The following CDK17 variants were observed in gnomAD, a reference collection of about 807,000 sequenced individuals.
CDK17 encodes cyclin dependent kinase 17, also known as cyclin-dependent kinase 17.
A neutral mutation model predicts 77.6 loss-of-function variants in CDK17; 24 were observed. The observed-to-expected ratio is 0.31, with a 90% confidence interval of 0.22 to 0.44. The LOEUF is 0.44. Ranked by LOEUF, CDK17 falls within the 20% of genes least tolerant of loss-of-function variation. The pLI is 1.00. For missense variants in CDK17, 429 were observed against 622.5 expected, an observed-to-expected ratio of 0.69 and a Z score of 3.31; for synonymous variants, 203 against 210.4, an observed-to-expected ratio of 0.96 and a Z score of 0.30.
chr12:96,363,701 T>A (rs1257293140), intron 1 of CDK17, among the ~76,000 whole-genome samples: 1 of 151,846 alleles, frequency 6.6e-6, no homozygotes, highest in African/African-American at 2.4e-5. Flanking sequence ...ATACAAAAAA[T>A]TAGCTGGGTA....
chr12:96,356,618 T>C (rs1953398742), intron 1 of CDK17, among the ~76,000 whole-genome samples: 2 of 152,182 alleles, frequency 1.3e-5, no homozygotes, highest in Admixed American at 6.5e-5. Context: ...GATCAAGACA[T>C]TATAGTTCAC....
rs1264636767 is a variant in CDK17, at chr12:96,394,880, T to A, written c.-30+5106A>T. ...ATTTATTATTTATTCAAAAAATCTA[T>A]AATTTTTTTCCCCCGAGACAGAGTC... On this transcript the variant is annotated intron_variant, in intron 1 of 16. Coordinates refer to ENST00000261211, the MANE Select transcript of CDK17 (RefSeq NM_002595.5). Among the ~76,000 whole-genome samples the A allele has an allele frequency of 5.4e-4, 15 of 27,842 alleles. No individual in the cohort carries two copies. In the East Asian group the frequency reaches 0.03, roughly 55 times the overall value. 18.3% of individuals were successfully genotyped at this position (27,842 alleles called of 152,430 possible).
At chr12:96,357,634 T>C (rs1365976627) in intron 1 of CDK17, among the ~76,000 whole-genome samples, 1 of 152,190 alleles carries the variant, frequency 6.6e-6, no homozygotes, top group African/African-American at 2.4e-5. Context: ...ACCTAGCCAT[T>C]TGAAAACCAA....
intron 3 of CDK17, among the ~76,000 whole-genome samples, chr12:96,314,194 A>C (rs1245441941): frequency 1.3e-5 from 2 of 152,114 alleles, no homozygotes; most frequent in African/African-American, 4.8e-5. Flanking sequence ...TATTAAAAAC[A>C]GACATATACT....
chr12:96,280,456 G>T, intron 16 of CDK17, 177 bp from the exon 17 acceptor site: 1 of 1,420,954 alleles, frequency 7.0e-7, no homozygotes, highest in Non-Finnish European at 9.2e-7. Flanking sequence ...CAGCTTCTAT[G>T]CTTCGAAGTG....
chr12:96,324,491 G>A (rs1045320925), intron 2 of CDK17, among the ~76,000 whole-genome samples: 1 of 152,020 alleles, frequency 6.6e-6, no homozygotes, highest in African/African-American at 2.4e-5. Flanking sequence ...TGCTTGGCTG[G>A]GTGCATGGCT....
intron 1 of CDK17, among the ~76,000 whole-genome samples, chr12:96,395,353 C>A (rs1954151590): frequency 6.6e-6 from 1 of 152,160 alleles, no homozygotes; most frequent in South Asian, 2.1e-4. Flanking sequence ...AGAGTGCAGA[C>A]AGTAACATTG....
At chr12:96,381,354 A>G (rs1953875888) in intron 1 of CDK17, among the ~76,000 whole-genome samples, 1 of 98,624 alleles carries the variant, frequency 1.0e-5, no homozygotes, top group Admixed American at 1.2e-4. Context: ...GTACAAAACC[A>G]TTTTTTCCTA....
intron 1 of CDK17, among the ~76,000 whole-genome samples, chr12:96,394,939 G>A (rs138547377): frequency 3.4e-5 from 5 of 147,590 alleles, no homozygotes; most frequent in African/African-American, 7.5e-5. Flanking sequence ...GCAATGGTGC[G>A]ATCTTGGCTC....
At chr12:96,366,401 T>A (rs938807687) in intron 1 of CDK17, among the ~76,000 whole-genome samples, 4 of 152,140 alleles carry the variant, frequency 2.6e-5, no homozygotes, top group Non-Finnish European at 5.9e-5. Flanking sequence ...TGAAAACCAC[T>A]CTTAGTTCTA....
At chr12:96,296,036 C>T (rs151004586) in intron 9 of CDK17, among the ~76,000 whole-genome samples, 1,585 of 152,288 alleles carry the variant, frequency 0.01, 8 homozygotes, top group Non-Finnish European at 0.018. Flanking sequence ...GTGCCAGAGT[C>T]TCTCCAGTCT....
At chr12:96,388,246 G>A (rs990897388) in intron 1 of CDK17, among the ~76,000 whole-genome samples, 1 of 152,178 alleles carries the variant, frequency 6.6e-6, no homozygotes, top group African/African-American at 2.4e-5. Context: ...CAGGGAAAAT[G>A]GTTCAAAGAA....
intron 14 of CDK17, among the ~76,000 whole-genome samples, chr12:96,283,307 T>G (rs1952200379): frequency 6.6e-6 from 1 of 152,018 alleles, no homozygotes; most frequent in Non-Finnish European, 1.5e-5. Flanking sequence ...GCTGTACGTA[T>G]AAGGAAAAGA....
intron 2 of CDK17, among the ~76,000 whole-genome samples, chr12:96,331,578 T>C (rs938942115): frequency 6.6e-6 from 1 of 152,224 alleles, no homozygotes; most frequent in Admixed American, 6.5e-5. Context: ...AGTAATTTGA[T>C]TTATAGATTT....
intron 5 of CDK17, 130 bp from the exon 6 acceptor site, chr12:96,300,490 G>A (rs980679844): frequency 1.6e-5 from 9 of 561,642 alleles, no homozygotes; most frequent in African/African-American, 5.9e-5. Flanking sequence ...TCCACCTCGC[G>A]GGTTCAAGTG....
At chr12:96,284,631 C>T (rs568081574) in intron 13 of CDK17, among the ~76,000 whole-genome samples, 5 of 150,524 alleles carry the variant, frequency 3.3e-5, no homozygotes, top group African/African-American at 7.3e-5. Context: ...GGTGCGATCC[C>T]GGCTCACTGC....
At chr12:96,312,187 G>A (rs1001611230) in intron 4 of CDK17, among the ~76,000 whole-genome samples, 1 of 152,166 alleles carries the variant, frequency 6.6e-6, no homozygotes, top group African/African-American at 2.4e-5. Flanking sequence ...TAAGGCAGGA[G>A]GATCACTTGA....
intron 1 of CDK17, among the ~76,000 whole-genome samples, chr12:96,372,048 C>T (rs1278594614): frequency 6.6e-6 from 1 of 151,840 alleles, no homozygotes; most frequent in Non-Finnish European, 1.5e-5. Flanking sequence ...ACTTTCTAGT[C>T]TTTCTCTCCA....
intron 10 of CDK17, among the ~76,000 whole-genome samples, chr12:96,290,925 T>C (rs1487470187): frequency 6.6e-6 from 1 of 152,126 alleles, no homozygotes; most frequent in Non-Finnish European, 1.5e-5. Context: ...ATTAATTAAA[T>C]GTGATATGGT....
Sources: allele counts gnomAD v4.1 joint callset (sites outside exome capture counted in the v4.1 genomes callset), GRCh38; gene constraint gnomAD v4.1.1; transcripts MANE v1.5; gene names NCBI Gene and HGNC (gene_info 2026-07-23, HGNC 2026-07-21).